The following PBX1 variants were observed in gnomAD, a reference collection of about 807,000 sequenced individuals.
PBX1 encodes PBX homeobox 1.
Under a neutral mutation model 53.4 loss-of-function variants are expected in PBX1, and 6 were observed. The observed-to-expected ratio is 0.11, with a 90% confidence interval of 0.06 to 0.22. PBX1 has a LOEUF of 0.22. Among genes scored for constraint, PBX1 ranks in the 10% least tolerant of loss-of-function variants. PBX1 has a pLI of 1.00. For missense variants in PBX1, 251 were observed against 551.4 expected (o/e 0.46, Z 5.46); for synonymous variants, 204 against 212.3 (o/e 0.96, Z 0.34).
chr1:164,668,305 C>G (rs530278026), intron 2 of PBX1, among the ~76,000 whole-genome samples: 1 of 152,288 alleles, frequency 6.6e-6, no homozygotes, highest in African/African-American at 2.4e-5. Flanking sequence ...CTTAATGTTT[C>G]CCCACCAGAC....
intron 2 of PBX1, among the ~76,000 whole-genome samples, chr1:164,634,659 A>G (rs1311354473): frequency 2.0e-5 from 3 of 152,206 alleles, no homozygotes; most frequent in Admixed American, 2.0e-4. Context: ...CTCCCCATTA[A>G]TACACCAACA....
rs568835687 is a variant in PBX1, at chr1:164,667,705, G to GC, written c.265+104396dup. ...ACAGGATGTAATCAGCTGTAATTTT[G>GC]CCGAGACAACGCATTTCAAATACTT... On this transcript the variant is annotated intron_variant, in intron 2 of 8. Transcript: ENST00000420696. Among the ~76,000 whole-genome samples, 271 of 152,264 alleles carry GC rather than the reference G, an allele frequency of 1.8e-3. 1 individual carries two copies. The highest frequency in any genetic ancestry group is 6.0e-3 in the African/African-American group (251 of 41,542).
chr1:164,602,849 T>C (rs562934405), intron 2 of PBX1, among the ~76,000 whole-genome samples: 1 of 152,300 alleles, frequency 6.6e-6, no homozygotes, highest in East Asian at 1.9e-4. Context: ...TGTTTGCCGT[T>C]AAACGGTTGT....
chr1:164,764,318 G>A (rs1016691706), intron 2 of PBX1, among the ~76,000 whole-genome samples: 1 of 152,170 alleles, frequency 6.6e-6, no homozygotes, highest in East Asian at 1.9e-4. Flanking sequence ...TGAAAATAGA[G>A]CACTTATATG....
intron 2 of PBX1, among the ~76,000 whole-genome samples, chr1:164,741,581 A>C (rs1665603794): frequency 6.6e-6 from 1 of 152,172 alleles, no homozygotes; most frequent in Non-Finnish European, 1.5e-5. Flanking sequence ...GTGGGAAGGT[A>C]GCTAACCTTT....
chr1:164,824,249 TTAAC>T (rs1416734206), intron 8 of PBX1, among the ~76,000 whole-genome samples: 1 of 152,164 alleles, frequency 6.6e-6, no homozygotes, highest in Non-Finnish European at 1.5e-5. Flanking sequence ...CCATTTGCCT[TTAAC>T]TGACCACACA....
Position 164,763,608 on chromosome 1 carries a change from G to A in PBX1, c.266-28886G>A, listed in dbSNP as rs1557992625. ...TTTCCCTAACCAAGAAAGATAGACC[G>A]AGGAGTCATTTTAATTGTCTAGATC... is the stretch of plus-strand genomic sequence containing the variant. On this transcript the variant is annotated intron_variant, in intron 2 of 8. Coordinates refer to ENST00000420696, the MANE Select transcript of PBX1 (RefSeq NM_002585.4). Among the ~76,000 whole-genome samples, 6 of 152,176 alleles carry A rather than the reference G, an allele frequency of 3.9e-5. No homozygotes were observed. In the South Asian group the frequency reaches 6.2e-4, roughly 16 times the overall value.
chr1:164,789,402 T>C (rs1668378893), intron 2 of PBX1, among the ~76,000 whole-genome samples: 1 of 152,192 alleles, frequency 6.6e-6, no homozygotes, highest in Non-Finnish European at 1.5e-5. Flanking sequence ...ATATTCATAG[T>C]GATGTGTGCG....
intron 2 of PBX1, among the ~76,000 whole-genome samples, chr1:164,768,263 A>G (rs927362222): frequency 6.6e-6 from 1 of 152,234 alleles, no homozygotes; most frequent in East Asian, 1.9e-4. Flanking sequence ...CCTCCCAGAC[A>G]ATAAGTGCTA....
intron 2 of PBX1, among the ~76,000 whole-genome samples, chr1:164,760,459 CCTT>C (rs557017030): frequency 1.1e-3 from 159 of 143,494 alleles, no homozygotes; most frequent in African/African-American, 3.6e-3. Flanking sequence ...CTCCTTCTCT[CCTT>C]CTTTCCCTCC....
intron 2 of PBX1, among the ~76,000 whole-genome samples, chr1:164,731,674 C>T (rs1201747845): frequency 6.6e-6 from 1 of 152,206 alleles, no homozygotes; most frequent in Admixed American, 6.5e-5. Flanking sequence ...GCCTCCCATT[C>T]GAAAGCCCTC....
At chr1:164,772,914 G>C (rs1225299045) in intron 2 of PBX1, 1 of 152,214 alleles carries the variant, frequency 6.6e-6, no homozygotes, top group African/African-American at 2.4e-5. Flanking sequence ...CTACTCTTGA[G>C]TGTCTGATTT....
At chr1:164,828,917 T>C (rs1427057542) in intron 8 of PBX1, 1 of 152,218 alleles carries the variant, frequency 6.6e-6, no homozygotes, top group Non-Finnish European at 1.5e-5. Context: ...TCCCTTTGTT[T>C]TAAAATTGGT....
intron 2 of PBX1, among the ~76,000 whole-genome samples, chr1:164,677,198 T>G (rs1661483369): frequency 6.6e-6 from 1 of 151,322 alleles, no homozygotes; most frequent in Non-Finnish European, 1.5e-5. Flanking sequence ...GTTCACGCCA[T>G]TCTCCTGCCT....
At chr1:164,880,279 C>T (rs989945452) in intron 2 of PBX1, among the ~76,000 whole-genome samples, 1 of 152,148 alleles carries the variant, frequency 6.6e-6, no homozygotes, top group East Asian at 1.9e-4. Flanking sequence ...AGTTCCTGCC[C>T]TTGATAAACA....
intron 2 of PBX1, among the ~76,000 whole-genome samples, chr1:164,583,035 T>C (rs1016886988): frequency 3.9e-5 from 6 of 152,228 alleles, no homozygotes; most frequent in Admixed American, 3.3e-4. Context: ...TACTGAGTAC[T>C]TGCTACTCTT....
chr1:164,692,298 G>A (rs562856589), intron 2 of PBX1, among the ~76,000 whole-genome samples: 1 of 152,280 alleles, frequency 6.6e-6, no homozygotes, highest in East Asian at 1.9e-4. Context: ...ACTCAGAAGT[G>A]CCATAGATGC....
chr1:164,787,446 TGAC>T (rs1205853267), intron 2 of PBX1, among the ~76,000 whole-genome samples: 7 of 152,190 alleles, frequency 4.6e-5, no homozygotes, highest in African/African-American at 1.7e-4. Flanking sequence ...CCTGGACACT[TGAC>T]TGTCCGCCCG....
intron 8 of PBX1, among the ~76,000 whole-genome samples, chr1:164,833,141 A>G (rs1054775726): frequency 2.6e-5 from 4 of 152,178 alleles, no homozygotes; most frequent in Non-Finnish European, 5.9e-5. Context: ...GGGTAAGCAA[A>G]AAAAAGTTCA....
Sources: allele counts gnomAD v4.1 joint callset (sites outside exome capture counted in the v4.1 genomes callset), GRCh38; gene constraint gnomAD v4.1.1; transcripts MANE v1.5; gene names NCBI Gene and HGNC (gene_info 2026-07-23, HGNC 2026-07-21).